Variants in TFDP2 observed in about 807,000 individuals in gnomAD.
The protein encoded by TFDP2 is transcription factor Dp-2 (E2F dimerization partner 2).
Under a neutral mutation model 59.3 loss-of-function variants are expected in TFDP2, and 17 were observed. The ratio of observed to expected loss-of-function variants is 0.29; its 90% confidence interval spans 0.20 to 0.43. The LOEUF (loss-of-function observed/expected upper bound fraction) is 0.43. Among genes scored for constraint, TFDP2 ranks in the 20% least tolerant of loss-of-function variants. The pLI, the probability that TFDP2 is intolerant of heterozygous loss-of-function variation, is 1.00. For missense variants in TFDP2, 391 were observed against 528.8 expected, an observed-to-expected ratio of 0.74 and a Z score of 2.56; for synonymous variants, 180 against 194.7, an observed-to-expected ratio of 0.92 and a Z score of 0.63.
chr3:141,993,696 CTA>C, intron 5 of TFDP2, 111 bp from the exon 6 acceptor site: 1 of 529,272 alleles, frequency 1.9e-6, no homozygotes. Flanking sequence ...TATTCAAAGA[CTA>C]AAACTAGCAA....
intron 1 of TFDP2, among the ~76,000 whole-genome samples, chr3:142,140,596 T>C (rs1237130827): frequency 6.6e-6 from 1 of 152,228 alleles, no homozygotes; most frequent in African/African-American, 2.4e-5. Flanking sequence ...TTCTGTTTGT[T>C]AGTTTTCCTT....
chr3:141,953,767 T>G (rs1420502584), intron 11 of TFDP2, among the ~76,000 whole-genome samples: 3 of 146,732 alleles, frequency 2.0e-5, no homozygotes, highest in Non-Finnish European at 4.5e-5. Flanking sequence ...TATCTCCTAA[T>G]GCTATCCCTC....
intron 6 of TFDP2, among the ~76,000 whole-genome samples, chr3:141,986,662 T>C (rs1349395891): frequency 6.6e-6 from 1 of 152,234 alleles, no homozygotes; most frequent in Non-Finnish European, 1.5e-5. Context: ...CTGTTGAGCA[T>C]ACACAAGGAA....
chr3:141,970,329 A>G (rs1048376998), intron 8 of TFDP2, among the ~76,000 whole-genome samples, 188 bp from the exon 9 acceptor site: 1 of 152,200 alleles, frequency 6.6e-6, no homozygotes, highest in Non-Finnish European at 1.5e-5. Context: ...ACACAACATC[A>G]GATCTGTGGC....
intron 2 of TFDP2, among the ~76,000 whole-genome samples, chr3:142,097,585 T>C (rs1324495426): frequency 6.6e-6 from 1 of 152,052 alleles, no homozygotes; most frequent in Non-Finnish European, 1.5e-5. Context: ...CTGGAGAGGC[T>C]GAGGTGGGAG....
rs1946699649 is a variant in TFDP2 at position 142,036,476 on chromosome 3, G to A, written c.83-30932C>T. ...ATTACAACATTTATCACAACCCTTT[G>A]TAATTTGCATGTCTGTCACTTCCCA... On this transcript the variant is annotated intron_variant, in intron 3 of 12. Coordinates refer to ENST00000489671, the MANE Select transcript of TFDP2 (RefSeq NM_001178139.2). Among the ~76,000 whole-genome samples the A allele has an allele frequency of 1.3e-5, 2 of 152,154 alleles. 1 individual carries two copies. Among genetic ancestry groups the A allele is most frequent in the South Asian group, 4.1e-4 (2 of 4,834 alleles).
chr3:142,112,313 C>T (rs922969122), intron 1 of TFDP2, among the ~76,000 whole-genome samples: 1 of 152,108 alleles, frequency 6.6e-6, no homozygotes, highest in East Asian at 1.9e-4. Flanking sequence ...GCAGTCAAAC[C>T]ACCTTAAACC....
At chr3:141,970,437 TTAGTTTATACTCACTC>T (rs1324090853) in intron 8 of TFDP2, among the ~76,000 whole-genome samples, 1 of 152,216 alleles carries the variant, frequency 6.6e-6, no homozygotes, top group Admixed American at 6.5e-5. Flanking sequence ...ATAGTACCAC[TTAGTTTATACTCACTC>T]TATCTGCCAA....
At chr3:142,036,552 T>C (rs981106959) in intron 3 of TFDP2, among the ~76,000 whole-genome samples, 1 of 152,120 alleles carries the variant, frequency 6.6e-6, no homozygotes, top group Non-Finnish European at 1.5e-5. Flanking sequence ...GCCCTCCTAT[T>C]CCATCTCTGT....
At chr3:141,969,361 C>G (rs1358707225) in intron 9 of TFDP2, among the ~76,000 whole-genome samples, 1 of 149,174 alleles carries the variant, frequency 6.7e-6, no homozygotes, top group Non-Finnish European at 1.5e-5. Flanking sequence ...GCCTGTAACC[C>G]CAGCACTTTG....
At chr3:142,024,126 A>T (rs1056130421) in intron 3 of TFDP2, among the ~76,000 whole-genome samples, 3 of 152,200 alleles carry the variant, frequency 2.0e-5, no homozygotes, top group African/African-American at 7.2e-5. Context: ...TTTATAAATA[A>T]GTTCTACTGT....
At chr3:142,060,250 C>T (rs889317725) in intron 3 of TFDP2, among the ~76,000 whole-genome samples, 7 of 152,146 alleles carry the variant, frequency 4.6e-5, no homozygotes, top group African/African-American at 1.4e-4. Flanking sequence ...TCAAGTGATC[C>T]TTCCACTTCA....
chr3:142,043,553 G>A (rs1947136733), intron 3 of TFDP2: 2 of 679,034 alleles, frequency 2.9e-6, no homozygotes, highest in Non-Finnish European at 5.2e-6. Flanking sequence ...AGCAGATAAA[G>A]GTTTCTTTTA....
intron 3 of TFDP2, among the ~76,000 whole-genome samples, chr3:142,006,245 C>A (rs186672593): frequency 6.6e-6 from 1 of 152,118 alleles, no homozygotes; most frequent in Non-Finnish European, 1.5e-5. Context: ...CTACTTAATT[C>A]CCCCAACAAA....
chr3:141,969,217 A>G (rs1241835076), intron 9 of TFDP2, among the ~76,000 whole-genome samples: 1 of 102,262 alleles, frequency 9.8e-6, no homozygotes, highest in Non-Finnish European at 1.9e-5. Context: ...ATATATATAT[A>G]TCTCATATAT....
intron 12 of TFDP2, 82 bp from the exon 13 acceptor site, chr3:141,952,778 G>A (rs541302856): frequency 3.2e-6 from 5 of 1,578,918 alleles, no homozygotes; most frequent in Admixed American, 3.6e-5. Flanking sequence ...ACAGGAAGGA[G>A]GTGCCATTGG....
chr3:142,134,180 G>A (rs577622273), intron 1 of TFDP2, among the ~76,000 whole-genome samples: 34 of 151,854 alleles, frequency 2.2e-4, no homozygotes, highest in Admixed American at 1.5e-3. Flanking sequence ...CAGCTACACC[G>A]AAGGCAGAGG....
intron 3 of TFDP2, among the ~76,000 whole-genome samples, chr3:142,024,717 CATTT>C (rs1440192940): frequency 2.0e-5 from 3 of 152,062 alleles, no homozygotes; most frequent in Non-Finnish European, 4.4e-5. Flanking sequence ...TTTCAGTATA[CATTT>C]TAAATATTTA....
At chr3:142,050,681 C>G (rs1448541792) in intron 3 of TFDP2, among the ~76,000 whole-genome samples, 1 of 150,700 alleles carries the variant, frequency 6.6e-6, no homozygotes, top group Non-Finnish European at 1.5e-5. Context: ...GGGTGACAGA[C>G]AGAGCGAGAC....
Sources: allele counts gnomAD v4.1 joint callset (sites outside exome capture counted in the v4.1 genomes callset), GRCh38; gene constraint gnomAD v4.1.1; transcripts MANE v1.5; gene names NCBI Gene and HGNC (gene_info 2026-07-23, HGNC 2026-07-21).